The following NIBAN1 variants were observed in gnomAD, a reference collection of about 807,000 sequenced individuals.
NIBAN1 encodes niban apoptosis regulator 1, also known as protein Niban 1.
A neutral mutation model predicts 75.1 loss-of-function variants in NIBAN1; 81 were observed. The observed-to-expected ratio is 1.08, with a 90% CI of 0.90 to 1.30. The LOEUF is 1.30. Ranked by LOEUF, NIBAN1 falls within the 50% of genes most tolerant of loss-of-function variation. NIBAN1 has a pLI of 0.00. For synonymous variants in NIBAN1, 436 were observed against 424.8 expected (o/e 1.03, Z -0.32); for missense variants, 1,133 against 1,128.1 (o/e 1.00, Z -0.06).
intron 6 of NIBAN1, among the ~76,000 whole-genome samples, 163 bp from the exon 7 acceptor site, chr1:184,823,905 T>C (rs1048923050): frequency 2.6e-5 from 4 of 152,180 alleles, no homozygotes; most frequent in African/African-American, 7.2e-5. Context: ...AAATCTCAAC[T>C]AAGACAATCT....
intron 1 of NIBAN1, among the ~76,000 whole-genome samples, chr1:184,917,709 C>T (rs1030160586): frequency 5.9e-5 from 9 of 152,078 alleles, no homozygotes; most frequent in African/African-American, 2.2e-4. Context: ...GAAGACCCCC[C>T]CAATATTTTT....
intron 12 of NIBAN1, among the ~76,000 whole-genome samples, chr1:184,801,171 A>G (rs1654031006): frequency 6.6e-6 from 1 of 152,180 alleles, no homozygotes; most frequent in East Asian, 1.9e-4. Flanking sequence ...CTTGCCTGGA[A>G]GGACAGTATT....
intron 1 of NIBAN1, among the ~76,000 whole-genome samples, chr1:184,902,584 G>A (rs892561859): frequency 2.6e-5 from 4 of 152,120 alleles, no homozygotes; most frequent in Non-Finnish European, 4.4e-5. Context: ...GAAAAAAGCC[G>A]GCTGTTTACT....
chr1:184,915,819 G>A (rs1348541181), intron 1 of NIBAN1, among the ~76,000 whole-genome samples: 4 of 152,196 alleles, frequency 2.6e-5, no homozygotes, highest in African/African-American at 9.6e-5. Flanking sequence ...CATAGCAAAG[G>A]CTTCCTTAAT....
chr1:184,965,926 A>C lies in NIBAN1; in HGVS notation c.55+8376T>G, dbSNP rs114878922. ...CACCATGAGTAAACTCCAGACTGTGAAAAACTCTGCATATCAAACAGCTCA... is the reference window on the plus strand; with the variant it reads ...CACCATGAGTAAACTCCAGACTGTGCAAAACTCTGCATATCAAACAGCTCA... On this transcript the variant is annotated intron_variant, in intron 1 of 13. Transcript: ENST00000367511. Among the ~76,000 whole-genome samples, 1,028 of 152,364 alleles carry C rather than the reference A, an allele frequency of 6.7e-3. 10 individuals are homozygous for C. Among genetic ancestry groups the C allele is most frequent in the African/African-American group, 0.024 (978 of 41,578 alleles).
In NIBAN1 at chr1:184,798,077, A is replaced by G. The variant is rs757746463; in HGVS notation, c.1666+2T>C. On this transcript the variant is annotated splice_donor_variant, in intron 13 of 13. Coordinates refer to ENST00000367511, the MANE Select transcript of NIBAN1 (RefSeq NM_052966.4). LOFTEE classifies it high-confidence loss of function. ...CCTGCAGCACCAGGTAACCTTTCTT[A>G]CCTTTCAGAGTTTCATCAAGCAGGA... 5 of 1,603,168 alleles carry G rather than the reference A, an allele frequency of 3.1e-6. No individual in the cohort carries two copies. Among genetic ancestry groups the G allele is most frequent in the Non-Finnish European group, 4.3e-6 (5 of 1,171,626 alleles).
intron 1 of NIBAN1, among the ~76,000 whole-genome samples, chr1:184,900,994 T>A (rs1312252844): frequency 6.6e-6 from 1 of 152,156 alleles, no homozygotes; most frequent in Non-Finnish European, 1.5e-5. Context: ...GGGTTAAATT[T>A]CAAAAATAAG....
At chr1:184,932,674 G>T (rs1208542381) in intron 1 of NIBAN1, among the ~76,000 whole-genome samples, 3 of 152,082 alleles carry the variant, frequency 2.0e-5, no homozygotes, top group African/African-American at 7.2e-5. Context: ...AAAGTCATAG[G>T]CTCACATATT....
At chr1:184,915,614 G>GGGTA (rs1428374042) in intron 1 of NIBAN1, among the ~76,000 whole-genome samples, 9 of 152,268 alleles carry the variant, frequency 5.9e-5, no homozygotes, top group African/African-American at 2.2e-4. Context: ...CTCTGATGAT[G>GGGTA]GGTAGCTTGA....
intron 3 of NIBAN1, among the ~76,000 whole-genome samples, chr1:184,891,155 T>C (rs1571551279): frequency 6.6e-6 from 1 of 152,148 alleles, no homozygotes; most frequent in African/African-American, 2.4e-5. Flanking sequence ...CTCTCAGATA[T>C]CTAAATTACT....
chr1:184,889,467 G>A (rs768256075), intron 4 of NIBAN1, among the ~76,000 whole-genome samples: 52 of 151,924 alleles, frequency 3.4e-4, no homozygotes, highest in Admixed American at 1.1e-3. Flanking sequence ...GTAGCTATGA[G>A]TTACTGTAAC....
chr1:184,802,069 C>T (rs1654060476), intron 12 of NIBAN1, among the ~76,000 whole-genome samples: 1 of 152,168 alleles, frequency 6.6e-6, no homozygotes, highest in Non-Finnish European at 1.5e-5. Flanking sequence ...GAAGCTGCTA[C>T]TTATAGAACC....
At chr1:184,862,939 C>T (rs1557891558) in intron 5 of NIBAN1, among the ~76,000 whole-genome samples, 1 of 151,940 alleles carries the variant, frequency 6.6e-6, no homozygotes, top group Non-Finnish European at 1.5e-5. Flanking sequence ...TATTTCATCA[C>T]CCAGGTATTA....
At chr1:184,895,235 T>G (rs1213284633) in intron 2 of NIBAN1, among the ~76,000 whole-genome samples, 1 of 152,096 alleles carries the variant, frequency 6.6e-6, no homozygotes, top group Admixed American at 6.6e-5. Flanking sequence ...AGAGAGAATC[T>G]CTTCTCTTTA....
At chr1:184,894,051 A>G in intron 3 of NIBAN1, 24 bp downstream of exon 3, 1 of 1,582,322 alleles carries the variant, frequency 6.3e-7, no homozygotes, top group Non-Finnish European at 8.6e-7. Flanking sequence ...TGTAAGAATC[A>G]GTAGTAACAA....
Position 184,960,768 on chromosome 1 carries a change from A to C in NIBAN1, c.55+13534T>G, listed in dbSNP as rs578144208. Among the ~76,000 whole-genome samples the C allele has an allele frequency of 2.0e-5, 3 of 152,242 alleles. No homozygotes were observed. In the East Asian group the frequency reaches 5.8e-4, roughly 30 times the overall value. On this transcript the variant is annotated intron_variant, in intron 1 of 13. Transcript: ENST00000367511. ...CTCAGCCTCCAAAGTAGCTGGGACT[A>C]TAGGCACGTGTGCCACCACACCCGG... is the stretch of plus-strand genomic sequence containing the variant.
intron 9 of NIBAN1, among the ~76,000 whole-genome samples, chr1:184,813,199 T>G (rs1401145513): frequency 6.6e-6 from 1 of 152,222 alleles, no homozygotes; most frequent in South Asian, 2.1e-4. Flanking sequence ...TGTAATGTTC[T>G]TCTGTCTGTC....
intron 12 of NIBAN1, among the ~76,000 whole-genome samples, chr1:184,803,201 A>G (rs1021338380): frequency 6.6e-6 from 1 of 152,262 alleles, no homozygotes; most frequent in Non-Finnish European, 1.5e-5. Flanking sequence ...CGTTGGACCT[A>G]TGAGTCATAC....
chr1:184,866,375 G>C (rs990801084), intron 5 of NIBAN1, among the ~76,000 whole-genome samples: 5 of 152,188 alleles, frequency 3.3e-5, no homozygotes, highest in Non-Finnish European at 7.3e-5. Context: ...CCAAAAGTGA[G>C]CTATTGGCTT....
Sources: allele counts gnomAD v4.1 joint callset (sites outside exome capture counted in the v4.1 genomes callset), GRCh38; gene constraint gnomAD v4.1.1; transcripts MANE v1.5; gene names NCBI Gene and HGNC (gene_info 2026-07-23, HGNC 2026-07-21).